PTPRD: variants seen among roughly 807,000 people sequenced by gnomAD.
PTPRD encodes the protein receptor-type tyrosine-protein phosphatase delta.
PTPRD carries 34 observed loss-of-function variants against 214.5 expected under a neutral mutation model. The observed-to-expected ratio is 0.16, with a 90% CI of 0.12 to 0.21. PTPRD has a LOEUF of 0.21. Among genes scored for constraint, PTPRD ranks in the 10% least tolerant of loss-of-function variants. The probability of loss-of-function intolerance (pLI) is 1.00; values close to 1 mark genes in which losing one functional copy is unlikely to be tolerated. For synonymous variants in PTPRD, 1,128 were observed against 845.7 expected (o/e 1.33, Z -5.79); for missense variants, 2,545 against 2,398.7 (o/e 1.06, Z -1.27).
intron 3 of PTPRD, among the ~76,000 whole-genome samples, chr9:10,302,030 G>A (rs765941637): frequency 1.3e-5 from 2 of 152,154 alleles, no homozygotes; most frequent in Non-Finnish European, 2.9e-5. Context: ...GGAAAGCTTG[G>A]GTTACCCACA....
At chr9:10,155,866 T>A (rs1306411324) in intron 3 of PTPRD, among the ~76,000 whole-genome samples, 1 of 152,122 alleles carries the variant, frequency 6.6e-6, no homozygotes, top group Non-Finnish European at 1.5e-5. Flanking sequence ...CTTGAGGATT[T>A]TTGTATCAAT....
chr9:9,191,661 T>C (rs28395380), intron 9 of PTPRD, among the ~76,000 whole-genome samples: 32,929 of 152,024 alleles, frequency 0.22, 3,942 homozygotes, highest in Non-Finnish European at 0.27. Flanking sequence ...AAAGCAATGC[T>C]GTAACTCTTT....
chr9:10,323,684 T>C (rs1026798087), intron 3 of PTPRD, among the ~76,000 whole-genome samples: 2 of 151,942 alleles, frequency 1.3e-5, no homozygotes, highest in Non-Finnish European at 2.9e-5. Flanking sequence ...ATGTCATCTG[T>C]TTAATATGCA....
intron 14 of PTPRD, among the ~76,000 whole-genome samples, chr9:8,590,288 A>G (rs144192307): frequency 2.0e-5 from 3 of 152,290 alleles, no homozygotes; most frequent in East Asian, 1.9e-4. Context: ...CGGAGGTAAT[A>G]TAAGTGTGGA....
chr9:9,044,142 A>G (rs1464006619), intron 10 of PTPRD, among the ~76,000 whole-genome samples: 1 of 152,164 alleles, frequency 6.6e-6, no homozygotes, highest in African/African-American at 2.4e-5. Context: ...ATATGACAAC[A>G]TGAACTTCCA....
Position 8,848,283 on chromosome 9 carries a change from C to T in PTPRD, c.-103-114337G>A, listed in dbSNP as rs1211164987. On this transcript the variant is annotated intron_variant, in intron 11 of 45. Transcript: ENST00000381196. The stretch of plus-strand genomic sequence containing the variant: ...ATACTCTTCAGAAACGGTAGAGAGG[C>T]AACGTACTTATTAATGCTTAAGATT... 2.0e-5 allele frequency among the ~76,000 whole-genome samples: 3 copies of T among 147,458 alleles called. No homozygotes were observed. In the East Asian group the frequency reaches 6.1e-4, roughly 30 times the overall value.
chr9:8,351,973 T>A (rs2075619022), intron 39 of PTPRD, among the ~76,000 whole-genome samples: 1 of 152,006 alleles, frequency 6.6e-6, no homozygotes, highest in South Asian at 2.1e-4. Context: ...GCTACCAGGT[T>A]ATATCCCTTT....
chr9:9,638,337 G>C (rs527267483), intron 7 of PTPRD, among the ~76,000 whole-genome samples: 39 of 152,186 alleles, frequency 2.6e-4, no homozygotes, highest in African/African-American at 9.4e-4. Flanking sequence ...AAATATCCTG[G>C]TTCATCACTC....
chr9:9,882,054 A>T (rs968979985), intron 5 of PTPRD, among the ~76,000 whole-genome samples: 1 of 152,172 alleles, frequency 6.6e-6, no homozygotes, highest in Non-Finnish European at 1.5e-5. Context: ...TATAGTTGAA[A>T]AAAGAATGTA....
At chr9:9,769,167 C>A (rs2098731018) in intron 5 of PTPRD, among the ~76,000 whole-genome samples, 1 of 151,794 alleles carries the variant, frequency 6.6e-6, no homozygotes, top group Admixed American at 6.6e-5. Flanking sequence ...CGACTATGAG[C>A]TTAATAAGAA....
chr9:8,687,723 T>G (rs1382161002), intron 12 of PTPRD, among the ~76,000 whole-genome samples: 1 of 151,574 alleles, frequency 6.6e-6, no homozygotes, highest in Non-Finnish European at 1.5e-5. Context: ...AAATAAGAGG[T>G]CCTTAGGTAA....
chr9:9,003,757 G>C (rs1234084126), intron 11 of PTPRD, among the ~76,000 whole-genome samples: 4 of 152,026 alleles, frequency 2.6e-5, no homozygotes, highest in Non-Finnish European at 5.9e-5. Flanking sequence ...GAACTGGCCT[G>C]TGATAGCTGG....
In PTPRD at chr9:10,158,003, T is replaced by TTTG. The variant is rs138430444; in HGVS notation, c.-544-124214_-544-124213insCAA. ...CAACCCTATCAAGTTGTTTATGGTTTTTTGTTTGTTTGTTTGTTTGTTTTT... is the reference window on the plus strand; with the variant it reads ...CAACCCTATCAAGTTGTTTATGGTTTTTGTTTGTTTGTTTGTTTGTTTGTTTTT... On this transcript the variant is annotated intron_variant, in intron 3 of 45. Coordinates refer to ENST00000381196, the MANE Select transcript of PTPRD (RefSeq NM_002839.4). Among the ~76,000 whole-genome samples the TTTG allele has an allele frequency of 4.3e-4, 65 of 151,072 alleles. No homozygotes were observed. The East Asian group carries it at 0.012, about 28-fold the overall frequency.
intron 11 of PTPRD, among the ~76,000 whole-genome samples, chr9:8,836,427 T>G (rs1009761363): frequency 2.0e-4 from 30 of 152,102 alleles, no homozygotes; most frequent in Admixed American, 1.7e-3. Flanking sequence ...ATAAAAAAGT[T>G]TTTAACATTA....
Position 10,052,566 on chromosome 9 carries a change from C to T in PTPRD, c.-544-18776G>A, listed in dbSNP as rs151062159. 6.9e-4 allele frequency among the ~76,000 whole-genome samples: 105 copies of T among 152,236 alleles called. 2 individuals carry two copies. The South Asian group carries it at 0.02, about 29-fold the overall frequency. On this transcript the variant is annotated intron_variant, in intron 3 of 45. Coordinates refer to ENST00000381196, the MANE Select transcript of PTPRD (RefSeq NM_002839.4). The stretch of plus-strand genomic sequence containing the variant: ...ATTGTAAAACTGGGTATTTTTCACA[C>T]ATTCTCTGATTTAATTCTGAAAACA...
chr9:9,799,039 G>A (rs1036178616), intron 5 of PTPRD, among the ~76,000 whole-genome samples: 2 of 152,216 alleles, frequency 1.3e-5, no homozygotes, highest in South Asian at 2.1e-4. Context: ...CATTATTCCT[G>A]TTATTATTAC....
intron 9 of PTPRD, among the ~76,000 whole-genome samples, chr9:9,358,928 C>A (rs1596335549): frequency 6.6e-6 from 1 of 151,322 alleles, no homozygotes; most frequent in Non-Finnish European, 1.5e-5. Context: ...CCTCTATTAA[C>A]CTACAAGCTG....
chr9:9,234,385 A>T (rs1048631992), intron 9 of PTPRD, among the ~76,000 whole-genome samples: 1 of 152,082 alleles, frequency 6.6e-6, no homozygotes, highest in Non-Finnish European at 1.5e-5. Flanking sequence ...TTTTCCTCCT[A>T]GGCTTCCAGG....
intron 5 of PTPRD, among the ~76,000 whole-genome samples, chr9:9,834,003 G>C (rs112656040): frequency 5.6e-4 from 85 of 152,170 alleles, no homozygotes; most frequent in African/African-American, 1.9e-3. Context: ...ACAGGATTAA[G>C]AGATTGAAGT....
Sources: allele counts gnomAD v4.1 joint callset (sites outside exome capture counted in the v4.1 genomes callset), GRCh38; gene constraint gnomAD v4.1.1; transcripts MANE v1.5; gene names NCBI Gene and HGNC (gene_info 2026-07-23, HGNC 2026-07-21).